Variants in GPC5 observed in about 807,000 individuals in gnomAD.
The protein encoded by GPC5 is glypican 5, also known as glypican-5.
In GPC5, 47 loss-of-function variants were observed where a neutral mutation model predicts 53.9. The ratio of observed to expected loss-of-function variants is 0.87; its 90% CI spans 0.69 to 1.11. The LOEUF is 1.11. Among genes scored for constraint, GPC5 ranks in the 50% most tolerant of loss-of-function variants. The pLI is 0.00. For synonymous variants in GPC5, 286 were observed against 263.3 expected (o/e 1.09, Z -0.84); for missense variants, 748 against 713.1 (o/e 1.05, Z -0.56).
chr13:92,349,094 C>T (rs2043452699), intron 7 of GPC5, among the ~76,000 whole-genome samples: 2 of 152,028 alleles, frequency 1.3e-5, no homozygotes, highest in Non-Finnish European at 2.9e-5. Flanking sequence ...ACTAGCAAAA[C>T]AATACAAAAG....
chr13:91,638,297 C>A (rs1336758307), intron 2 of GPC5, among the ~76,000 whole-genome samples: 1 of 151,934 alleles, frequency 6.6e-6, no homozygotes, highest in Non-Finnish European at 1.5e-5. Context: ...TGTATTTTTC[C>A]TTATTGATCT....
At chr13:91,822,163 C>T (rs900015865) in intron 5 of GPC5, among the ~76,000 whole-genome samples, 1 of 152,110 alleles carries the variant, frequency 6.6e-6, no homozygotes, top group Admixed American at 6.6e-5. Context: ...TACAGACATC[C>T]CCAAAGTAGA....
chr13:91,437,672 G>A lies in GPC5; in HGVS notation c.164-11089G>A, dbSNP rs542828950. ...TCTTCTCAAGGAGTATCTTTGTGGC[G>A]TTCTCTGTATTTCCTGAATTTGAAT... On this transcript the variant is annotated intron_variant, in intron 1 of 7. Transcript: ENST00000377067. 9.9e-5 allele frequency among the ~76,000 whole-genome samples: 15 copies of A among 152,216 alleles called. No homozygotes were observed. In the South Asian group the frequency reaches 1.2e-3, roughly 13 times the overall value.
At chr13:91,498,144 G>T (rs915029183) in intron 2 of GPC5, among the ~76,000 whole-genome samples, 1 of 147,390 alleles carries the variant, frequency 6.8e-6, no homozygotes, top group Non-Finnish European at 1.5e-5. Context: ...CCCACCCGCC[G>T]CCACACACAC....
intron 6 of GPC5, among the ~76,000 whole-genome samples, chr13:91,932,796 A>G (rs967269557): frequency 1.1e-4 from 16 of 151,864 alleles, no homozygotes; most frequent in African/African-American, 1.9e-4. Flanking sequence ...CCTTTTTCCA[A>G]TTGATGGTTC....
At chr13:92,741,214 G>A (rs894291889) in intron 7 of GPC5, among the ~76,000 whole-genome samples, 2 of 150,936 alleles carry the variant, frequency 1.3e-5, no homozygotes, top group African/African-American at 2.4e-5. Context: ...CAAGCAGAAC[G>A]GGCATTCATG....
chr13:92,152,973 C>G (rs866749733), intron 7 of GPC5, among the ~76,000 whole-genome samples: 12 of 152,118 alleles, frequency 7.9e-5, no homozygotes, highest in Non-Finnish European at 1.5e-4. Context: ...TTTTAACCAA[C>G]AGTATGTGCA....
intron 5 of GPC5, among the ~76,000 whole-genome samples, chr13:91,802,702 C>A (rs9515974): frequency 0.33 from 49,411 of 151,842 alleles, 9,470 homozygotes; most frequent in East Asian, 0.65. Context: ...CCCAGCCGAC[C>A]CGGAAGCCCA....
intron 7 of GPC5, among the ~76,000 whole-genome samples, chr13:92,663,856 C>CTATATATA (rs201565650): frequency 8.0e-4 from 71 of 88,336 alleles, no homozygotes; most frequent in East Asian, 1.3e-3. Flanking sequence ...CACACACACA[C>CTATATATA]TATATATATA....
chr13:92,858,246 T>C lies in GPC5; in HGVS notation c.1562-8036T>C, dbSNP rs868097723. 3.3e-5 allele frequency among the ~76,000 whole-genome samples: 5 copies of C among 152,174 alleles called. No individual in the cohort carries two copies. In the South Asian group the frequency reaches 6.2e-4, roughly 19 times the overall value. ...AGGTCTTTCTGTGCTGTTCTCATGATAGTGAATAAGTCTCATGAGATCTGA... is the reference window on the plus strand; with the variant it reads ...AGGTCTTTCTGTGCTGTTCTCATGACAGTGAATAAGTCTCATGAGATCTGA... On this transcript the variant is annotated intron_variant, in intron 7 of 7. Transcript: ENST00000377067.
rs192665202 is a variant in GPC5 at position 92,370,551 on chromosome 13, A to G, written c.1561+225562A>G. 7.9e-4 allele frequency among the ~76,000 whole-genome samples: 120 copies of G among 152,308 alleles called. 1 individual carries two copies. Among genetic ancestry groups the G allele is most frequent in the Admixed American group, 6.7e-3 (103 of 15,286 alleles). On this transcript the variant is annotated intron_variant, in intron 7 of 7. Coordinates refer to ENST00000377067, the MANE Select transcript of GPC5 (RefSeq NM_004466.6). Reference sequence around the variant, plus strand: ...AACAGAAAAAAAAAACAGCTTGTCAATCATCTCTATCTAATATTCTGTTAA... The same window carrying G: ...AACAGAAAAAAAAAACAGCTTGTCAGTCATCTCTATCTAATATTCTGTTAA...
intron 5 of GPC5, among the ~76,000 whole-genome samples, chr13:91,812,438 A>G (rs759878198): frequency 2.0e-5 from 3 of 152,236 alleles, no homozygotes; most frequent in Admixed American, 1.3e-4. Flanking sequence ...TTAGCACACT[A>G]GCTGCTTTAT....
chr13:91,534,915 A>C (rs913942692), intron 2 of GPC5, among the ~76,000 whole-genome samples: 1 of 152,202 alleles, frequency 6.6e-6, no homozygotes, highest in Non-Finnish European at 1.5e-5. Context: ...CAGTGTGGCC[A>C]GGATGCTCTT....
chr13:91,498,950 A>G (rs1180828321), intron 2 of GPC5, among the ~76,000 whole-genome samples: 1 of 148,668 alleles, frequency 6.7e-6, no homozygotes, highest in Non-Finnish European at 1.5e-5. Context: ...CAGCCTGGGG[A>G]ACAGAGATGG....
chr13:92,749,082 AAGAATACACTG>A lies in GPC5; in HGVS notation c.1562-117198_1562-117188del, dbSNP rs1235178807. On this transcript the variant is annotated intron_variant, in intron 7 of 7. Transcript: ENST00000377067. Reference sequence around the variant, plus strand: ...TATATTTTGGAGTTCTTGGCCAGACAAGAATACACTGATCTACTCTGGGACTACTCTTACAT... The same window carrying A: ...TATATTTTGGAGTTCTTGGCCAGACAATCTACTCTGGGACTACTCTTACAT... Among the ~76,000 whole-genome samples the A allele has an allele frequency of 3.3e-5, 5 of 152,186 alleles. No individual in the cohort carries two copies. In the East Asian group the frequency reaches 9.6e-4, roughly 29 times the overall value.
intron 7 of GPC5, among the ~76,000 whole-genome samples, chr13:92,648,442 C>T (rs1421459515): frequency 2.6e-5 from 4 of 151,874 alleles, no homozygotes; most frequent in Admixed American, 6.6e-5. Context: ...ATTTTATGCT[C>T]CTATTTTATC....
intron 7 of GPC5, among the ~76,000 whole-genome samples, chr13:92,354,125 A>G (rs1356315661): frequency 1.3e-5 from 2 of 152,216 alleles, no homozygotes; most frequent in Non-Finnish European, 2.9e-5. Flanking sequence ...AACGCAAGTC[A>G]TCATGTGGTG....
intron 3 of GPC5, among the ~76,000 whole-genome samples, chr13:91,725,365 G>A (rs2036555392): frequency 6.6e-6 from 1 of 152,202 alleles, no homozygotes; most frequent in Non-Finnish European, 1.5e-5. Context: ...ACGTAAGTGT[G>A]AAGGTTTTTT....
At position 92,110,846 on chromosome 13, in the gene GPC5, C is replaced by A. The variant is rs143539897; in HGVS notation, c.1402-33984C>A. ...AACCTTTTGCTGTCATATGTCCATT[C>A]AGATTTAAACATTTTCTTTCGATGT... On this transcript the variant is annotated intron_variant, in intron 6 of 7. Coordinates refer to ENST00000377067, the MANE Select transcript of GPC5 (RefSeq NM_004466.6). Among the ~76,000 whole-genome samples the A allele has an allele frequency of 5.2e-3, 788 of 152,244 alleles. 8 individuals are homozygous for A. Among genetic ancestry groups the A allele is most frequent in the Middle Eastern group, 0.01 (3 of 294 alleles).
Sources: gnomAD v4.1 joint callset for allele counts (sites outside exome capture counted in the v4.1 genomes callset) on GRCh38, gnomAD v4.1.1 for gene constraint, MANE v1.5 for transcripts, NCBI Gene and HGNC (gene_info 2026-07-23, HGNC 2026-07-21) for gene names.